Variants in KCNN3 observed in about 807,000 individuals in gnomAD.
The protein encoded by KCNN3 is small conductance calcium-activated potassium channel protein 3.
Under a neutral mutation model 62.9 loss-of-function variants are expected in KCNN3, and 16 were observed. The ratio of observed to expected loss-of-function variants is 0.25; its 90% confidence interval spans 0.17 to 0.39. The LOEUF is 0.39. KCNN3 is among the 10% of genes least tolerant of loss of function. The pLI is 1.00. For synonymous variants in KCNN3, 370 were observed against 389.2 expected (o/e 0.95, Z 0.58); for missense variants, 599 against 949.4 (o/e 0.63, Z 4.85).
Position 154,704,601 on chromosome 1 carries a change from T to C in KCNN3, c.*3375A>G, listed in dbSNP as rs1170631864. 2 of 152,206 alleles carry C rather than the reference T, an allele frequency of 1.3e-5. No individual in the cohort carries two copies. The highest frequency in any genetic ancestry group is 4.8e-5 in the African/African-American group (2 of 41,430). The allele number at this position is 152,206 out of a possible 1,614,324, so 9.4% of individuals were successfully genotyped here. ...AGGGGTGGGGGTGGTTCTGTATTTC[T>C]AATTCAAGTGTCTAGATATTTTAGG... On this transcript the variant is annotated 3_prime_UTR_variant, in exon 8 of 8. Coordinates refer to ENST00000271915, the MANE Select transcript of KCNN3 (RefSeq NM_002249.6).
intron 3 of KCNN3, among the ~76,000 whole-genome samples, chr1:154,740,096 T>C (rs1488159747): frequency 6.6e-6 from 1 of 152,238 alleles, no homozygotes; most frequent in East Asian, 1.9e-4. Flanking sequence ...AATTGCTTCT[T>C]TTCTGTTCAA....
chr1:154,732,102 A>G (rs1318554203), intron 4 of KCNN3, among the ~76,000 whole-genome samples: 1 of 152,206 alleles, frequency 6.6e-6, no homozygotes, highest in African/African-American at 2.4e-5. Context: ...AAATCATTGC[A>G]TTTGGTCCTT....
rs1650438579 is a variant in KCNN3 at position 154,812,281 on chromosome 1, T to G, written c.1029+9808A>C. ...TTTTTTTTTCTTTTTTTTTATACTT[T>G]AAGTTTTAGGGTACATGTGCACAAC... On this transcript the variant is annotated intron_variant, in intron 2 of 7. Coordinates refer to ENST00000271915, the MANE Select transcript of KCNN3 (RefSeq NM_002249.6). Among the ~76,000 whole-genome samples, 4 of 152,244 alleles carry G rather than the reference T, an allele frequency of 2.6e-5. 1 individual carries two copies. In the South Asian group the frequency reaches 8.3e-4, roughly 32 times the overall value.
intron 1 of KCNN3, among the ~76,000 whole-genome samples, chr1:154,860,272 TTCTG>T (rs1236241065): frequency 6.6e-6 from 1 of 152,230 alleles, no homozygotes; most frequent in Non-Finnish European, 1.5e-5. Flanking sequence ...TCTTCCCTGC[TTCTG>T]TCCCAGGTCA....
intron 1 of KCNN3, among the ~76,000 whole-genome samples, chr1:154,852,095 A>G (rs1254101401): frequency 6.6e-6 from 1 of 152,278 alleles, no homozygotes. Flanking sequence ...CAACATGACC[A>G]GTGCAACTGG....
At chr1:154,763,645 T>A (rs1648123744) in intron 3 of KCNN3, among the ~76,000 whole-genome samples, 1 of 152,218 alleles carries the variant, frequency 6.6e-6, no homozygotes, top group Non-Finnish European at 1.5e-5. Context: ...TTAACGGTAG[T>A]TTTGAATTCT....
At chr1:154,759,384 A>G (rs1374830232) in intron 3 of KCNN3, among the ~76,000 whole-genome samples, 1 of 152,246 alleles carries the variant, frequency 6.6e-6, no homozygotes, top group Non-Finnish European at 1.5e-5. Context: ...AAACAACCCC[A>G]AAGTTGAAGG....
intron 3 of KCNN3, among the ~76,000 whole-genome samples, chr1:154,746,882 G>T (rs1156510548): frequency 6.6e-6 from 1 of 152,214 alleles, no homozygotes; most frequent in African/African-American, 2.4e-5. Flanking sequence ...AGAATCCTGT[G>T]CTGTAAAGTG....
intron 5 of KCNN3, among the ~76,000 whole-genome samples, chr1:154,716,840 C>CA (rs1421980262): frequency 6.6e-6 from 1 of 152,056 alleles, no homozygotes; most frequent in African/African-American, 2.4e-5. Context: ...AGCCTCCTGG[C>CA]AAAAAAGGCG....
intron 4 of KCNN3, among the ~76,000 whole-genome samples, chr1:154,727,016 C>T (rs1169140884): frequency 6.6e-6 from 1 of 152,226 alleles, no homozygotes; most frequent in Non-Finnish European, 1.5e-5. Flanking sequence ...TTAAAATCCT[C>T]TTCGCTAGGC....
At chr1:154,810,901 C>G (rs889393156) in intron 2 of KCNN3, among the ~76,000 whole-genome samples, 1 of 152,240 alleles carries the variant, frequency 6.6e-6, no homozygotes, top group Admixed American at 6.5e-5. Context: ...TGGAGATGGT[C>G]AACTCAAACA....
intron 2 of KCNN3, among the ~76,000 whole-genome samples, chr1:154,775,091 C>A (rs72700247): frequency 0.25 from 38,535 of 152,128 alleles, 5,955 homozygotes; most frequent in Middle Eastern, 0.41. Context: ...AATGAGGAGC[C>A]CTTTATTCTG....
intron 5 of KCNN3, among the ~76,000 whole-genome samples, chr1:154,723,962 G>C (rs989416797): frequency 2.0e-5 from 3 of 152,236 alleles, no homozygotes; most frequent in Non-Finnish European, 2.9e-5. Flanking sequence ...AGGCCTTACT[G>C]TGATAACAGC....
intron 1 of KCNN3, among the ~76,000 whole-genome samples, chr1:154,854,829 G>GA (rs897591201): frequency 3.3e-5 from 5 of 152,084 alleles, no homozygotes; most frequent in Non-Finnish European, 4.4e-5. Context: ...TTCTAAAATG[G>GA]AAAAAAACTT....
At chr1:154,794,221 C>T (rs1379410566) in intron 2 of KCNN3, among the ~76,000 whole-genome samples, 1 of 152,238 alleles carries the variant, frequency 6.6e-6, no homozygotes, top group East Asian at 1.9e-4. Flanking sequence ...TGTAATTTTA[C>T]AGTCATTTGT....
intron 3 of KCNN3, among the ~76,000 whole-genome samples, chr1:154,741,157 T>C (rs1051025705): frequency 6.6e-6 from 1 of 152,248 alleles, no homozygotes; most frequent in African/African-American, 2.4e-5. Flanking sequence ...ACAACTTCAT[T>C]TTTTTCACAT....
intron 2 of KCNN3, among the ~76,000 whole-genome samples, chr1:154,796,722 C>T (rs932542869): frequency 8.5e-5 from 13 of 152,200 alleles, no homozygotes; most frequent in Non-Finnish European, 1.6e-4. Flanking sequence ...CATGCCAGCT[C>T]ACCGGTCGAT....
intron 5 of KCNN3, among the ~76,000 whole-genome samples, chr1:154,720,043 T>C (rs967939351): frequency 6.6e-6 from 1 of 152,254 alleles, no homozygotes; most frequent in Non-Finnish European, 1.5e-5. Context: ...ATTTATGTGA[T>C]ACTCAGTTAG....
chr1:154,725,036 T>C (rs1207406175), intron 5 of KCNN3, among the ~76,000 whole-genome samples: 2 of 152,096 alleles, frequency 1.3e-5, no homozygotes, highest in Non-Finnish European at 2.9e-5. Flanking sequence ...TTTGTATTTT[T>C]AGTAGAGACG....
Sources: gnomAD v4.1 joint callset for allele counts (sites outside exome capture counted in the v4.1 genomes callset) on GRCh38, gnomAD v4.1.1 for gene constraint, MANE v1.5 for transcripts, NCBI Gene and HGNC (gene_info 2026-07-23, HGNC 2026-07-21) for gene names.